Variants in NLGN1 observed in about 807,000 individuals in gnomAD.
NLGN1 encodes the protein neuroligin-1.
NLGN1 carries 12 observed loss-of-function variants against 65.5 expected under a neutral mutation model. That is an observed-to-expected ratio of 0.18 (90% CI 0.12 to 0.30). The LOEUF (loss-of-function observed/expected upper bound fraction) is 0.30. Ranked by LOEUF, NLGN1 falls within the 10% of genes least tolerant of loss-of-function variation. The pLI, the probability that NLGN1 is intolerant of heterozygous loss-of-function variation, is 1.00. For synonymous variants in NLGN1, 350 were observed against 359.5 expected (o/e 0.97, Z 0.30); for missense variants, 750 against 1,007.1 (o/e 0.74, Z 3.46).
intron 4 of NLGN1, among the ~76,000 whole-genome samples, chr3:174,042,917 A>AC (rs1229473136): frequency 6.6e-6 from 1 of 152,134 alleles, no homozygotes; most frequent in Non-Finnish European, 1.5e-5. Flanking sequence ...ATGAAGGAAT[A>AC]CCTAAGACTG....
chr3:173,469,988 A>G (rs1725053608), intron 2 of NLGN1, among the ~76,000 whole-genome samples: 1 of 150,976 alleles, frequency 6.6e-6, no homozygotes, highest in African/African-American at 2.4e-5. Flanking sequence ...ATATATGATT[A>G]TATATATATG....
exon 7 of NLGN1, chr3:174,282,761 C>A (rs1170923045): frequency 1.3e-5 from 2 of 151,964 alleles, no homozygotes; most frequent in African/African-American, 4.8e-5. Context: ...CTGATAAATA[C>A]TTTCTCTCTC....
chr3:174,051,618 A>G (rs1734906175), intron 4 of NLGN1, among the ~76,000 whole-genome samples: 1 of 152,104 alleles, frequency 6.6e-6, no homozygotes. Flanking sequence ...TGAAAAGCTC[A>G]TAAATGAGGG....
intron 4 of NLGN1, among the ~76,000 whole-genome samples, chr3:173,988,324 G>A (rs1720380991): frequency 6.6e-6 from 1 of 152,066 alleles, no homozygotes; most frequent in South Asian, 2.1e-4. Flanking sequence ...CTTTTTCTTT[G>A]TATAGATACA....
chr3:173,625,971 C>T (rs1189020937), intron 3 of NLGN1, among the ~76,000 whole-genome samples: 4 of 151,922 alleles, frequency 2.6e-5, no homozygotes, highest in African/African-American at 9.7e-5. Flanking sequence ...ATAAATACAG[C>T]TTTGGTAATT....
intron 4 of NLGN1, among the ~76,000 whole-genome samples, chr3:173,856,119 G>A (rs1306481885): frequency 6.6e-6 from 1 of 152,032 alleles, no homozygotes; most frequent in East Asian, 1.9e-4. Context: ...TCCTTTTGGG[G>A]TACTTCGTCA....
chr3:173,612,240 G>A (rs1752415428), intron 3 of NLGN1, among the ~76,000 whole-genome samples: 1 of 152,206 alleles, frequency 6.6e-6, no homozygotes, highest in African/African-American at 2.4e-5. Context: ...AGTTGTAGAA[G>A]CATAATTTCT....
At chr3:174,193,398 T>C (rs547276048) in intron 4 of NLGN1, among the ~76,000 whole-genome samples, 1 of 152,098 alleles carries the variant, frequency 6.6e-6, no homozygotes, top group Non-Finnish European at 1.5e-5. Flanking sequence ...ATTGGTGTAG[T>C]GATGGTACTT....
chr3:174,041,418 A>G (rs1732279791), intron 4 of NLGN1, among the ~76,000 whole-genome samples: 1 of 152,174 alleles, frequency 6.6e-6, no homozygotes, highest in Non-Finnish European at 1.5e-5. Context: ...GCAGTTTGAG[A>G]CTATTATAAA....
intron 4 of NLGN1, among the ~76,000 whole-genome samples, chr3:174,179,909 C>T (rs1358503320): frequency 4.6e-5 from 7 of 152,056 alleles, no homozygotes; most frequent in Non-Finnish European, 1.5e-5. Context: ...TATGGTGATA[C>T]GTTTTGATCT....
At chr3:173,462,279 C>T (rs1232527264) in intron 2 of NLGN1, among the ~76,000 whole-genome samples, 1 of 152,094 alleles carries the variant, frequency 6.6e-6, no homozygotes, top group Admixed American at 6.6e-5. Context: ...ATTACATGCT[C>T]AATAAATATT....
At chr3:173,897,887 TG>T (rs567593030) in intron 4 of NLGN1, among the ~76,000 whole-genome samples, 47 of 152,272 alleles carry the variant, frequency 3.1e-4, no homozygotes, top group Middle Eastern at 6.8e-3. Flanking sequence ...TTAGACTACA[TG>T]AATCATTGCA....
chr3:174,206,420 C>T (rs1381068441), intron 4 of NLGN1, among the ~76,000 whole-genome samples: 1 of 152,100 alleles, frequency 6.6e-6, no homozygotes, highest in Non-Finnish European at 1.5e-5. Context: ...AGCTAGAGCA[C>T]CTTTTTATCT....
chr3:173,433,284 C>T (rs1717527119), intron 1 of NLGN1, among the ~76,000 whole-genome samples: 2 of 152,168 alleles, frequency 1.3e-5, no homozygotes, highest in Non-Finnish European at 2.9e-5. Flanking sequence ...TGGGGTTGAA[C>T]AGTCTATGTC....
intron 4 of NLGN1, among the ~76,000 whole-genome samples, chr3:174,139,660 G>A (rs767272224): frequency 6.6e-6 from 1 of 152,104 alleles, no homozygotes; most frequent in Non-Finnish European, 1.5e-5. Context: ...TATGGTAAGA[G>A]TATGTTTAGT....
intron 4 of NLGN1, among the ~76,000 whole-genome samples, chr3:174,003,940 A>G (rs1393540630): frequency 2.0e-5 from 3 of 152,196 alleles, no homozygotes; most frequent in Non-Finnish European, 4.4e-5. Context: ...CGTACTCTAT[A>G]GTGGTATCTA....
intron 2 of NLGN1, among the ~76,000 whole-genome samples, chr3:173,470,636 T>C (rs2148924887): frequency 6.6e-6 from 1 of 152,238 alleles, no homozygotes; most frequent in South Asian, 2.1e-4. Context: ...CCTAAAGCTG[T>C]TATAGAATTA....
intron 3 of NLGN1, among the ~76,000 whole-genome samples, chr3:173,795,732 T>G (rs13075365): frequency 0.092 from 14,029 of 152,148 alleles, 700 homozygotes; most frequent in African/African-American, 0.12. Context: ...AATACACATA[T>G]TTTTTCATAT....
intron 3 of NLGN1, among the ~76,000 whole-genome samples, chr3:173,635,272 T>C (rs1012410712): frequency 1.3e-5 from 2 of 152,148 alleles, no homozygotes; most frequent in Non-Finnish European, 2.9e-5. Flanking sequence ...CTCAGAGATA[T>C]TAAGTAATTT....
Sources: gnomAD v4.1 joint callset for allele counts (sites outside exome capture counted in the v4.1 genomes callset) on GRCh38, gnomAD v4.1.1 for gene constraint, MANE v1.5 for transcripts, NCBI Gene and HGNC (gene_info 2026-07-23, HGNC 2026-07-21) for gene names.